The following TOLLIP variants were observed in gnomAD, a reference collection of about 807,000 sequenced individuals.
TOLLIP encodes toll-interacting protein.
Under a neutral mutation model 33.5 loss-of-function variants are expected in TOLLIP, and 16 were observed. The ratio of observed to expected loss-of-function variants is 0.48; its 90% CI spans 0.32 to 0.72. The LOEUF (loss-of-function observed/expected upper bound fraction) is 0.72, where lower values mean the gene tolerates loss of function less well. Among genes scored for constraint, TOLLIP ranks in the 30% least tolerant of loss-of-function variants. TOLLIP has a pLI of 0.03. For synonymous variants in TOLLIP, 176 were observed against 163.7 expected (o/e 1.07, Z -0.57); for missense variants, 325 against 396.6 (o/e 0.82, Z 1.53).
At chr11:1,281,058 G>A (rs1166667329) in intron 5 of TOLLIP, among the ~76,000 whole-genome samples, 1 of 152,248 alleles carries the variant, frequency 6.6e-6, no homozygotes, top group Admixed American at 6.5e-5. Context: ...GCGGTCTCCA[G>A]ATGCTTCACG....
intron 1 of TOLLIP, chr11:1,298,025 C>G (rs988762811): frequency 1.3e-5 from 2 of 152,350 alleles, no homozygotes. Context: ...TCCCTGCCAA[C>G]CCCACAGGGC....
rs1246297680 is a variant in TOLLIP, at chr11:1,278,718, T to C, written c.611-1465A>G. ...GACACCTCACCTCACTGGGGAAGCA[T>C]CATCCCCATGCTCATCAGCCTTTCG... On this transcript the variant is annotated intron_variant, in intron 5 of 5. Transcript: ENST00000317204. The surrounding 1 kb of genome is among the most constrained non-coding windows in gnomAD (Gnocchi z 4.7). 6.6e-6 allele frequency among the ~76,000 whole-genome samples: 1 copy of C among 152,194 alleles called. No homozygotes were observed. The highest frequency in any genetic ancestry group is 1.5e-5 in the Non-Finnish European group (1 of 68,028).
rs552586603 is a variant in TOLLIP, at chr11:1,286,297, T to A, written c.520-205A>T. ...CCCACCCCTGCACCACCTCCTCAAATCCAGGAGGTGACATGGCTCGGGCTT... is the reference window on the plus strand; with the variant it reads ...CCCACCCCTGCACCACCTCCTCAAAACCAGGAGGTGACATGGCTCGGGCTT... On this transcript the variant is annotated intron_variant, in intron 4 of 5. Coordinates refer to ENST00000317204, the MANE Select transcript of TOLLIP (RefSeq NM_019009.4). 1.2e-4 allele frequency among the ~76,000 whole-genome samples: 18 copies of A among 152,170 alleles called. No individual in the cohort carries two copies. The East Asian group carries it at 2.9e-3, about 24-fold the overall frequency.
Position 1,277,078 on chromosome 11 carries a change from G to A in TOLLIP, c.786C>T (p.Ala262=), listed in dbSNP as rs139087935. 36 of 1,613,946 alleles carry A rather than the reference G, an allele frequency of 2.2e-5. No individual in the cohort carries two copies. Among genetic ancestry groups the A allele is most frequent in the African/African-American group, 1.1e-4 (8 of 74,948 alleles). ...CCATCTGCAGCAGGGAGTTGATGGC[G>A]GCATCCTTGTTCCCTCGCTGGGCTT... ...VLEAQRGNKD[A]AINSLLQMGE... The change falls in exon 6 of 6, where the codon GCC becomes GCT. Residue 262 remains alanine (A), a synonymous_variant. Transcript: ENST00000317204. This position sits in a 1 kb window ranked among gnomAD's most constrained non-coding sequence, Gnocchi z 4.2.
Position 1,277,006 on chromosome 11 carries a change from G to T in TOLLIP, c.*33C>A. 6.2e-7 allele frequency: 1 copy of T among 1,604,936 alleles called. No homozygotes were observed. The highest frequency in any genetic ancestry group is 1.1e-5 in the South Asian group (1 of 90,734). ...GGAGCGCCGGGTCGGCGTGTCCAAA[G>T]AGCGGGGGCAAAACGGCATCGAGGC... On this transcript the variant is annotated 3_prime_UTR_variant, in exon 6 of 6. Transcript: ENST00000317204. This position sits in a 1 kb window ranked among gnomAD's most constrained non-coding sequence, Gnocchi z 4.2.
chr11:1,278,589 G>A lies in TOLLIP; in HGVS notation c.611-1336C>T, dbSNP rs1304461208. The stretch of plus-strand genomic sequence containing the variant: ...TTCCCGGCTCCTTCTAGGCCAGGCC[G>A]ACTCTTCCTCCACACCCACCCCTGC... On this transcript the variant is annotated intron_variant, in intron 5 of 5. Coordinates refer to ENST00000317204, the MANE Select transcript of TOLLIP (RefSeq NM_019009.4). The surrounding 1 kb of genome is among the most constrained non-coding windows in gnomAD (Gnocchi z 4.7). 2.0e-5 allele frequency among the ~76,000 whole-genome samples: 3 copies of A among 152,034 alleles called. No individual in the cohort carries two copies. Among genetic ancestry groups the A allele is most frequent in the Admixed American group, 6.5e-5 (1 of 15,270 alleles).
intron 4 of TOLLIP, among the ~76,000 whole-genome samples, chr11:1,288,107 G>A (rs186194176): frequency 7.9e-5 from 12 of 152,242 alleles, no homozygotes; most frequent in East Asian, 5.8e-4. Context: ...GGGCGCTGAC[G>A]TGCTGGCCCC....
intron 1 of TOLLIP, among the ~76,000 whole-genome samples, chr11:1,304,586 G>A (rs1864373484): frequency 6.6e-6 from 1 of 152,240 alleles, no homozygotes; most frequent in African/African-American, 2.4e-5. Context: ...AGGTGGCACA[G>A]ACAATGATTA....
At chr11:1,280,592 C>T (rs577565877) in intron 5 of TOLLIP, among the ~76,000 whole-genome samples, 6 of 152,182 alleles carry the variant, frequency 3.9e-5, no homozygotes, top group Non-Finnish European at 8.8e-5. Context: ...ACAGCGTCAA[C>T]GGGCAGCTGC....
intron 1 of TOLLIP, among the ~76,000 whole-genome samples, chr11:1,301,021 G>A (rs184245356): frequency 9.2e-5 from 14 of 152,356 alleles, no homozygotes; most frequent in African/African-American, 2.9e-4. Flanking sequence ...CAGCGCTAAC[G>A]CCAGGTTAGC....
chr11:1,286,931 C>G (rs1863723356), intron 4 of TOLLIP, among the ~76,000 whole-genome samples: 1 of 152,236 alleles, frequency 6.6e-6, no homozygotes, highest in Admixed American at 6.5e-5. Context: ...AGTCACTGCA[C>G]TGCTGTTGTC....
intron 5 of TOLLIP, among the ~76,000 whole-genome samples, chr11:1,281,710 C>T (rs1732202178): frequency 6.6e-6 from 1 of 152,256 alleles, no homozygotes; most frequent in African/African-American, 2.4e-5. Flanking sequence ...CACACAGGCC[C>T]GAAGCCACGC....
At chr11:1,307,416 G>T (rs1460132149) in intron 1 of TOLLIP, among the ~76,000 whole-genome samples, 1 of 152,244 alleles carries the variant, frequency 6.6e-6, no homozygotes, top group Non-Finnish European at 1.5e-5. Context: ...CATCGCGGGT[G>T]TAACAGCGCT....
At chr11:1,295,920 G>A in intron 1 of TOLLIP, 126 bp from the exon 2 acceptor site, 2 of 1,237,940 alleles carry the variant, frequency 1.6e-6, no homozygotes, top group Non-Finnish European at 2.2e-6. Context: ...CCTGGACTGT[G>A]CTCAGCCTCA....
chr11:1,283,880 G>A (rs1444941804), intron 5 of TOLLIP, among the ~76,000 whole-genome samples: 1 of 152,194 alleles, frequency 6.6e-6, no homozygotes, highest in African/African-American at 2.4e-5. Flanking sequence ...GAGTGGCCCT[G>A]CCTACGGGGC....
At chr11:1,292,680 G>T (rs1324431343) in intron 2 of TOLLIP, among the ~76,000 whole-genome samples, 1 of 152,248 alleles carries the variant, frequency 6.6e-6, no homozygotes, top group Non-Finnish European at 1.5e-5. Flanking sequence ...GGGGACACAC[G>T]GGCACCGCTG....
chr11:1,308,384 G>A (rs1244846229), intron 1 of TOLLIP, among the ~76,000 whole-genome samples: 1 of 152,228 alleles, frequency 6.6e-6, no homozygotes, highest in East Asian at 1.9e-4. Context: ...GCCATGACTG[G>A]GAGCTTCCAG....
rs1377051440 is a variant in TOLLIP, at chr11:1,277,149, C to T, written c.715G>A (p.Asp239Asn). Residue 239 changes from aspartate to asparagine, a missense_variant, in exon 6 of 6, where the codon GAC (aspartate) becomes AAC (asparagine). Coordinates refer to ENST00000317204, the MANE Select transcript of TOLLIP (RefSeq NM_019009.4). This position sits in a 1 kb window ranked among gnomAD's most constrained non-coding sequence, Gnocchi z 4.2. The stretch of plus-strand genomic sequence containing the variant: ...TCCTGGTCCATGTTGGGGAACATGT[C>T]CTGGATGGCTTTCAGGTCCTCCTCG... ...CSEEDLKAIQ[D>N]MFPNMDQEVI... 1.2e-6 allele frequency: 2 copies of T among 1,613,520 alleles called. No homozygotes were observed. Among genetic ancestry groups the T allele is most frequent in the African/African-American group, 1.3e-5 (1 of 74,940 alleles).
Position 1,276,572 on chromosome 11 carries a change from G to C in TOLLIP, c.*467C>G. 3 of 965,834 alleles carry C rather than the reference G, an allele frequency of 3.1e-6. No homozygotes were observed. Among genetic ancestry groups the C allele is most frequent in the Non-Finnish European group, 4.2e-6 (3 of 709,728 alleles). The allele number at this position is 965,834 out of a possible 1,614,324, so 59.8% of individuals were successfully genotyped here. A position where few individuals can be genotyped will look rare whatever the true frequency, so the allele number is the denominator to read the frequency against. The stretch of plus-strand genomic sequence containing the variant: ...TCACAGCAAAGCGCGTTAGGGCAAG[G>C]GCGTGAGTTTTCGTCTGGGAAGTTC... On this transcript the variant is annotated 3_prime_UTR_variant, in exon 6 of 6. Transcript: ENST00000317204.
Sources: gnomAD v4.1 joint callset for allele counts (sites outside exome capture counted in the v4.1 genomes callset) on GRCh38, gnomAD v4.1.1 for gene constraint, Gnocchi (gnomAD v3.1) non-coding constraint, MANE v1.5 for transcripts, NCBI Gene and HGNC (gene_info 2026-07-23, HGNC 2026-07-21) for gene names.